The following ADAMTS19 variants were observed in gnomAD, a reference collection of about 807,000 sequenced individuals.
ADAMTS19 encodes A disintegrin and metalloproteinase with thrombospondin motifs 19.
In ADAMTS19, 93 loss-of-function variants were observed where a neutral mutation model predicts 153.3. That is an observed-to-expected ratio of 0.61 (90% CI 0.51 to 0.72). ADAMTS19 has a LOEUF of 0.72. ADAMTS19 is among the 30% of genes least tolerant of loss of function. The pLI is 0.00. For missense variants in ADAMTS19, 1,482 were observed against 1,552.1 expected (o/e 0.95, Z 0.76); for synonymous variants, 600 against 556.6 (o/e 1.08, Z -1.10).
intron 12 of ADAMTS19, 88 bp from the exon 13 acceptor site, chr5:129,648,710 T>A: frequency 9.5e-7 from 1 of 1,048,448 alleles, no homozygotes; most frequent in Non-Finnish European, 1.4e-6. Context: ...TAAGGGGTTA[T>A]ATATTATTAA....
intron 21 of ADAMTS19, among the ~76,000 whole-genome samples, chr5:129,714,244 C>T (rs527426874): frequency 4.0e-5 from 6 of 150,238 alleles, no homozygotes; most frequent in Non-Finnish European, 3.0e-5. Context: ...AAGGTGAAAC[C>T]CCGTCTCTAC....
intron 3 of ADAMTS19, among the ~76,000 whole-genome samples, chr5:129,512,432 A>T (rs926814065): frequency 6.6e-6 from 1 of 152,094 alleles, no homozygotes; most frequent in Admixed American, 6.6e-5. Context: ...ATGCATTTGG[A>T]TACAACATGG....
At position 129,697,867 on chromosome 5, in the gene ADAMTS19, A is replaced by G. The variant is rs569782602; in HGVS notation, c.2954+3012A>G. Among the ~76,000 whole-genome samples, 17 of 152,342 alleles carry G rather than the reference A, an allele frequency of 1.1e-4. No homozygotes were observed. In the East Asian group the frequency reaches 1.2e-3, roughly 10 times the overall value. On this transcript the variant is annotated intron_variant, in intron 19 of 22. Coordinates refer to ENST00000274487, the MANE Select transcript of ADAMTS19 (RefSeq NM_133638.6). The stretch of plus-strand genomic sequence containing the variant: ...TAATGTTAAAATACTTCAAAACACA[A>G]TTTGTTTTATATTGCCATATAGTTG...
chr5:129,584,837 A>G (rs1749701494), intron 7 of ADAMTS19, among the ~76,000 whole-genome samples: 1 of 152,180 alleles, frequency 6.6e-6, no homozygotes, highest in African/African-American at 2.4e-5. Flanking sequence ...GCTGGGCTCC[A>G]TGGGGGTGGG....
At chr5:129,545,622 A>T in intron 6 of ADAMTS19, among the ~76,000 whole-genome samples, 1 of 151,440 alleles carries the variant, frequency 6.6e-6, no homozygotes, top group East Asian at 1.9e-4. Flanking sequence ...GCAGCCAAAA[A>T]ACACATGAAA....
At chr5:129,548,358 T>C (rs1581070170) in intron 6 of ADAMTS19, among the ~76,000 whole-genome samples, 1 of 143,342 alleles carries the variant, frequency 7.0e-6, no homozygotes, top group African/African-American at 2.8e-5. Context: ...CATCAAAAAG[T>C]GGGTGAAGGA....
chr5:129,565,759 T>G (rs1486552898), intron 7 of ADAMTS19, among the ~76,000 whole-genome samples: 1 of 152,172 alleles, frequency 6.6e-6, no homozygotes, highest in African/African-American at 2.4e-5. Flanking sequence ...TTGATACATA[T>G]CTCTTAAACA....
chr5:129,578,037 TACATACACACACAC>T (rs1291364743), intron 7 of ADAMTS19, among the ~76,000 whole-genome samples: 5 of 100,502 alleles, frequency 5.0e-5, no homozygotes, highest in Non-Finnish European at 7.5e-5. Context: ...TTTTCAAACT[TACATACACACACAC>T]ACACACACAC....
chr5:129,687,199 T>C (rs1378355629), intron 18 of ADAMTS19, among the ~76,000 whole-genome samples: 1 of 152,184 alleles, frequency 6.6e-6, no homozygotes, highest in African/African-American at 2.4e-5. Context: ...TCTGCAATCC[T>C]ACCAACAAGC....
At chr5:129,698,884 G>T (rs1208716533) in intron 19 of ADAMTS19, among the ~76,000 whole-genome samples, 3 of 152,174 alleles carry the variant, frequency 2.0e-5, no homozygotes, top group African/African-American at 4.8e-5. Flanking sequence ...AAGCAAAATG[G>T]CAGGTCTGCA....
intron 7 of ADAMTS19, among the ~76,000 whole-genome samples, chr5:129,584,885 C>T (rs1749703138): frequency 6.6e-6 from 1 of 152,146 alleles, no homozygotes; most frequent in Non-Finnish European, 1.5e-5. Flanking sequence ...CTGGCTTCAG[C>T]CCCCTTTCCA....
At chr5:129,543,459 G>C (rs1581063859) in intron 6 of ADAMTS19, among the ~76,000 whole-genome samples, 1 of 152,278 alleles carries the variant, frequency 6.6e-6, no homozygotes, top group East Asian at 1.9e-4. Flanking sequence ...TGTTTCTGTT[G>C]TCTGGAAATA....
chr5:129,658,329 G>GAA (rs1554103323), intron 14 of ADAMTS19, among the ~76,000 whole-genome samples: 2 of 95,906 alleles, frequency 2.1e-5, no homozygotes, highest in Non-Finnish European at 4.1e-5. Context: ...AAGAAAGAAA[G>GAA]AAAGAAAGAA....
At chr5:129,527,509 G>T (rs752407614) in intron 4 of ADAMTS19, among the ~76,000 whole-genome samples, 3 of 150,542 alleles carry the variant, frequency 2.0e-5, no homozygotes, top group East Asian at 2.0e-4. Context: ...ATCTCTGAAA[G>T]CATGGGTTTG....
intron 3 of ADAMTS19, among the ~76,000 whole-genome samples, chr5:129,522,293 GTGTGTGTATATA>G (rs1751838325): frequency 8.4e-6 from 1 of 119,614 alleles, no homozygotes; most frequent in South Asian, 2.7e-4. Context: ...TTGTATGTGT[GTGTGTGTATATA>G]TATATATATA....
At chr5:129,593,326 G>A (rs1366928916) in intron 7 of ADAMTS19, among the ~76,000 whole-genome samples, 2 of 152,042 alleles carry the variant, frequency 1.3e-5, no homozygotes, top group East Asian at 1.9e-4. Flanking sequence ...GCAATTTCAC[G>A]TTTATATTAT....
intron 16 of ADAMTS19, among the ~76,000 whole-genome samples, chr5:129,668,241 C>T (rs974011373): frequency 6.6e-6 from 1 of 152,172 alleles, no homozygotes; most frequent in African/African-American, 2.4e-5. Context: ...GTATTTAAGG[C>T]CTACCTGGAT....
intron 7 of ADAMTS19, among the ~76,000 whole-genome samples, chr5:129,582,798 C>G (rs529830177): frequency 6.6e-6 from 1 of 151,588 alleles, no homozygotes; most frequent in Non-Finnish European, 1.5e-5. Flanking sequence ...TCTTGATCTC[C>G]TTGACCCTGT....
intron 6 of ADAMTS19, among the ~76,000 whole-genome samples, chr5:129,538,916 T>C (rs1752556607): frequency 6.6e-6 from 1 of 152,126 alleles, no homozygotes; most frequent in South Asian, 2.1e-4. Context: ...AGAAACACCT[T>C]AGTGTTTACA....
Sources: allele counts gnomAD v4.1 joint callset (sites outside exome capture counted in the v4.1 genomes callset), GRCh38; gene constraint gnomAD v4.1.1; transcripts MANE v1.5; gene names NCBI Gene and HGNC (gene_info 2026-07-23, HGNC 2026-07-21).